MFSD6: variants seen among roughly 807,000 people sequenced by gnomAD.
MFSD6 encodes major facilitator superfamily domain containing 6.
MFSD6 carries 26 observed loss-of-function variants against 56.3 expected under a neutral mutation model. The observed-to-expected ratio is 0.46, with a 90% CI of 0.34 to 0.64. The LOEUF (loss-of-function observed/expected upper bound fraction) is 0.64. MFSD6 is among the 30% of genes least tolerant of loss of function. MFSD6 has a pLI of 0.01. For missense variants in MFSD6, 750 were observed against 986.2 expected (o/e 0.76, Z 3.21); for synonymous variants, 331 against 366.9 (o/e 0.90, Z 1.12).
rs754733964 is a variant in MFSD6 at position 190,500,150 on chromosome 2, C to G, written c.2308C>G (p.Pro770Ala). The G allele has an allele frequency of 3.7e-6, 6 of 1,614,042 alleles. No individual in the cohort carries two copies. ...ASQTQTSPAH[P>A]SVDPCTEESE... ...TCAGACGCAGACCAGCCCCGCTCACCCCAGTGTGGACCCGTGCACAGAGGA... is the reference window on the plus strand; with the variant it reads ...TCAGACGCAGACCAGCCCCGCTCACGCCAGTGTGGACCCGTGCACAGAGGA... Residue 770 changes from proline (P) to alanine (A), a missense_variant, in exon 8 of 8, where the codon CCC becomes GCC. Pro to Ala is a conservative substitution (Grantham distance 27). Around this residue, in one of 5 missense-constraint regions of MFSD6, gnomAD observed 172 missense variants for 203.9 expected, o/e 0.84. Transcript: ENST00000392328. The surrounding 1 kb of genome is among the most constrained non-coding windows in gnomAD (Gnocchi z 5.3).
chr2:190,435,937 A>AT, intron 2 of MFSD6, 40 bp from the exon 3 acceptor site: 1 of 1,461,286 alleles, frequency 6.8e-7, no homozygotes, highest in African/African-American at 1.4e-5. Context: ...ACATGTTATG[A>AT]TTTTCATTAC....
rs550305130 is a variant in MFSD6 at position 190,476,913 on chromosome 2, A to G, written c.1630+7058A>G. Among the ~76,000 whole-genome samples the G allele has an allele frequency of 1.9e-4, 29 of 152,214 alleles. 1 individual carries two copies. The South Asian group carries it at 6.0e-3, about 32-fold the overall frequency. ...GTTCATGTCCTTTGTAGGGACATGG[A>G]TGAAGCTGGAAACCATCATTCTCAG... On this transcript the variant is annotated intron_variant, in intron 4 of 7. Transcript: ENST00000392328.
chr2:190,493,866 A>G (rs1182121457), intron 6 of MFSD6, among the ~76,000 whole-genome samples: 1 of 152,174 alleles, frequency 6.6e-6, no homozygotes, highest in East Asian at 1.9e-4. Flanking sequence ...AGCAAAGGCA[A>G]TGCTAAGGGG....
At position 190,494,322 on chromosome 2, in the gene MFSD6, C is replaced by T. The variant is rs1689541072; in HGVS notation, c.1892-3117C>T. ...ATCAGGAAGAATTAGAAACCCTGAA[C>T]AGACAACTAAGTAGTGAGACTGAAT... On this transcript the variant is annotated intron_variant, in intron 6 of 7. Coordinates refer to ENST00000392328, the MANE Select transcript of MFSD6 (RefSeq NM_017694.4). This position sits in a 1 kb window ranked among gnomAD's most constrained non-coding sequence, Gnocchi z 5.7. 6.6e-6 allele frequency among the ~76,000 whole-genome samples: 1 copy of T among 152,012 alleles called. No individual in the cohort carries two copies. The highest frequency in any genetic ancestry group is 1.5e-5 in the Non-Finnish European group (1 of 67,948).
chr2:190,442,113 A>C (rs1172569435), intron 3 of MFSD6, among the ~76,000 whole-genome samples: 1 of 152,248 alleles, frequency 6.6e-6, no homozygotes, highest in Non-Finnish European at 1.5e-5. Flanking sequence ...GGGAGGATTA[A>C]TTCTTCTTTA....
At position 190,439,373 on chromosome 2, in the gene MFSD6, TA is replaced by T. The variant is rs1686292082; in HGVS notation, c.1532+1813del. ...TCTTTTTTTTCACGTTTTATTTGTT[TA>T]TTTTTTTATTATACTTTAAGTTTTA... On this transcript the variant is annotated intron_variant, in intron 3 of 7. Transcript: ENST00000392328. The surrounding 1 kb of genome is among the most constrained non-coding windows in gnomAD (Gnocchi z 5.8). Among the ~76,000 whole-genome samples, 1 of 152,168 alleles carries T rather than the reference TA, an allele frequency of 6.6e-6. No homozygotes were observed. The highest frequency in any genetic ancestry group is 2.1e-4 in the South Asian group (1 of 4,828).
At chr2:190,446,879 C>T (rs1255612967) in intron 3 of MFSD6, among the ~76,000 whole-genome samples, 1 of 152,128 alleles carries the variant, frequency 6.6e-6, no homozygotes, top group African/African-American at 2.4e-5. Flanking sequence ...TATTTTAGAA[C>T]AGGCCAAATT....
intron 3 of MFSD6, among the ~76,000 whole-genome samples, chr2:190,448,591 A>C (rs1007184867): frequency 1.3e-5 from 2 of 152,240 alleles, no homozygotes; most frequent in South Asian, 4.1e-4. Context: ...GTACAGTTAT[A>C]CAAATGTTAA....
In MFSD6 at chr2:190,447,748, T is replaced by C. The variant is rs187556922; in HGVS notation, c.1532+10187T>C. Among the ~76,000 whole-genome samples, 120 of 152,318 alleles carry C rather than the reference T, an allele frequency of 7.9e-4. No homozygotes were observed. Among genetic ancestry groups the C allele is most frequent in the African/African-American group, 2.7e-3 (112 of 41,570 alleles). On this transcript the variant is annotated intron_variant, in intron 3 of 7. Coordinates refer to ENST00000392328, the MANE Select transcript of MFSD6 (RefSeq NM_017694.4). This position sits in a 1 kb window ranked among gnomAD's most constrained non-coding sequence, Gnocchi z 4.5. ...TTCTGGAGGAAAAGCCCCTTGGAGCTATTTAAAATACAGGTTCTCATTATC... is the reference window on the plus strand; with the variant it reads ...TTCTGGAGGAAAAGCCCCTTGGAGCCATTTAAAATACAGGTTCTCATTATC...
In MFSD6 at chr2:190,430,701, G is replaced by A. The variant is rs1423299940; in HGVS notation, c.-53-5276G>A. ...AAAACCGCCATTGTCATCATGGCCCGTTCTCAATGAGCTGTTGGGTACACT... is the reference window on the plus strand; with the variant it reads ...AAAACCGCCATTGTCATCATGGCCCATTCTCAATGAGCTGTTGGGTACACT... On this transcript the variant is annotated intron_variant, in intron 2 of 7. Coordinates refer to ENST00000392328, the MANE Select transcript of MFSD6 (RefSeq NM_017694.4). Among the ~76,000 whole-genome samples, 7 of 151,334 alleles carry A rather than the reference G, an allele frequency of 4.6e-5. No homozygotes were observed. In the East Asian group the frequency reaches 5.9e-4, roughly 13 times the overall value.
At chr2:190,455,352 G>A (rs1254032098) in intron 3 of MFSD6, among the ~76,000 whole-genome samples, 1 of 152,098 alleles carries the variant, frequency 6.6e-6, no homozygotes, top group Non-Finnish European at 1.5e-5. Flanking sequence ...TGTGAAACAA[G>A]ATTTTAAGGT....
chr2:190,432,031 T>G (rs1158489153), intron 2 of MFSD6, among the ~76,000 whole-genome samples: 1 of 152,224 alleles, frequency 6.6e-6, no homozygotes, highest in African/African-American at 2.4e-5. Flanking sequence ...TTTCCTGTTT[T>G]GGTTCTGTTT....
At position 190,485,244 on chromosome 2, in the gene MFSD6, C is replaced by A. The variant is rs1434800735; in HGVS notation, c.1631-3413C>A. ...GTTTGTGTGTGTCCAAGCCTTCACACTTAAAAGAATAACTGCTAGAATTGT... is the reference window on the plus strand; with the variant it reads ...GTTTGTGTGTGTCCAAGCCTTCACAATTAAAAGAATAACTGCTAGAATTGT... On this transcript the variant is annotated intron_variant, in intron 4 of 7. Coordinates refer to ENST00000392328, the MANE Select transcript of MFSD6 (RefSeq NM_017694.4). The surrounding 1 kb of genome is among the most constrained non-coding windows in gnomAD (Gnocchi z 5.1). Among the ~76,000 whole-genome samples, 2 of 152,064 alleles carry A rather than the reference C, an allele frequency of 1.3e-5. No homozygotes were observed. Among genetic ancestry groups the A allele is most frequent in the Non-Finnish European group, 2.9e-5 (2 of 67,984 alleles).
rs569791174 is a variant in MFSD6 at position 190,489,712 on chromosome 2, T to G, written c.1793-56T>G. The G allele has an allele frequency of 2.7e-6, 4 of 1,491,070 alleles. No homozygotes were observed. Among genetic ancestry groups the G allele is most frequent in the South Asian group, 1.2e-5 (1 of 83,414 alleles). The allele number at this position is 1,491,070 out of a possible 1,614,324, so 92.4% of individuals were successfully genotyped here. A position where few individuals can be genotyped will look rare whatever the true frequency, so the allele number is the denominator to read the frequency against. On this transcript the variant is annotated intron_variant, in intron 5 of 7. Transcript: ENST00000392328. The surrounding 1 kb of genome is among the most constrained non-coding windows in gnomAD (Gnocchi z 6.6). ...TCTTTAGAAAACTGATGGTTTTAGA[T>G]GAGCGCTATCTGCATTTCTTGGAAT...
rs1278899144 is a variant in MFSD6, at chr2:190,410,115, T to A, written c.-176+1612T>A. Among the ~76,000 whole-genome samples, 2 of 152,080 alleles carry A rather than the reference T, an allele frequency of 1.3e-5. No homozygotes were observed. Among genetic ancestry groups the A allele is most frequent in the East Asian group, 3.8e-4 (2 of 5,196 alleles). On this transcript the variant is annotated intron_variant, in intron 1 of 7. Transcript: ENST00000392328. This position sits in a 1 kb window ranked among gnomAD's most constrained non-coding sequence, Gnocchi z 4.4. ...TAAAACACAAAGACAAAAAGCAGAG[T>A]TCACAGGTATTTGGTGGTGTGAGTA... is the stretch of plus-strand genomic sequence containing the variant.
In MFSD6 at chr2:190,489,862, A is replaced by G; in HGVS notation, c.1887A>G (p.Glu629=). The change falls in exon 6 of 8, where the codon GAA becomes GAG. Residue 629 remains glutamate, a synonymous_variant. Transcript: ENST00000392328. The surrounding 1 kb of genome is among the most constrained non-coding windows in gnomAD (Gnocchi z 6.6). ...LIQWLAVPDE[E]EDKTMLAERI... ...AGTGGCTGGCAGTGCCAGATGAGGA[A>G]GAAGGTAATTATTTCCATTCTTTCT... 6.2e-7 allele frequency: 1 copy of G among 1,613,518 alleles called. No homozygotes were observed. Among genetic ancestry groups the G allele is most frequent in the South Asian group, 1.1e-5 (1 of 90,994 alleles).
chr2:190,481,510 A>G (rs910453806), intron 4 of MFSD6, among the ~76,000 whole-genome samples: 1 of 152,148 alleles, frequency 6.6e-6, no homozygotes, highest in Non-Finnish European at 1.5e-5. Context: ...AGCTGCTGTT[A>G]CATGTCAGCC....
Position 190,434,724 on chromosome 2 carries a change from G to A in MFSD6, c.-53-1253G>A, listed in dbSNP as rs1325087542. Among the ~76,000 whole-genome samples, 1 of 152,090 alleles carries A rather than the reference G, an allele frequency of 6.6e-6. No individual in the cohort carries two copies. The highest frequency in any genetic ancestry group is 1.5e-5 in the Non-Finnish European group (1 of 68,014). The stretch of plus-strand genomic sequence containing the variant: ...TGGGATTACAGGTGTGAGCCACCGC[G>A]CCCGGCCAAAACACTGTTTTTCAAA... On this transcript the variant is annotated intron_variant, in intron 2 of 7. Coordinates refer to ENST00000392328, the MANE Select transcript of MFSD6 (RefSeq NM_017694.4). This position sits in a 1 kb window ranked among gnomAD's most constrained non-coding sequence, Gnocchi z 4.3.
At position 190,437,897 on chromosome 2, in the gene MFSD6, A is replaced by T. The variant is rs2125053439; in HGVS notation, c.1532+336A>T. Among the ~76,000 whole-genome samples the T allele has an allele frequency of 6.6e-6, 1 of 152,320 alleles. No homozygotes were observed. Among genetic ancestry groups the T allele is most frequent in the Non-Finnish European group, 1.5e-5 (1 of 68,012 alleles). On this transcript the variant is annotated intron_variant, in intron 3 of 7. Transcript: ENST00000392328. This position sits in a 1 kb window ranked among gnomAD's most constrained non-coding sequence, Gnocchi z 5.9. ...ACCAGCTTAGTGAACATATTATTCC[A>T]TGGAGGGTCCACCTGTCCTAGGCAT...
Sources: gnomAD v4.1 joint callset for allele counts (sites outside exome capture counted in the v4.1 genomes callset) on GRCh38, gnomAD v4.1.1 for gene constraint, gnomAD v4.1.1 regional missense constraint, Gnocchi (gnomAD v3.1) non-coding constraint, MANE v1.5 for transcripts, NCBI Gene and HGNC (gene_info 2026-07-23, HGNC 2026-07-21) for gene names.